The following EIF4E variants were observed in gnomAD, a reference collection of about 807,000 sequenced individuals.
EIF4E encodes the protein eukaryotic translation initiation factor 4E.
For missense variants in EIF4E, 113 were observed against 265.6 expected, an observed-to-expected ratio of 0.43 and a Z score of 3.99; for synonymous variants, 71 against 88.5, an observed-to-expected ratio of 0.80 and a Z score of 1.11.
At chr4:98,906,899 T>C (rs1358232567) in intron 1 of EIF4E, among the ~76,000 whole-genome samples, 3 of 152,132 alleles carry the variant, frequency 2.0e-5, no homozygotes, top group Non-Finnish European at 4.4e-5. Flanking sequence ...CATCTTAAAA[T>C]GGGCATTGTG....
At chr4:98,927,653 TCAAAAAAAAAAA>T (rs1560659693) in intron 1 of EIF4E, among the ~76,000 whole-genome samples, 1 of 17,110 alleles carries the variant, frequency 5.8e-5, no homozygotes, top group Non-Finnish European at 1.1e-4. Context: ...AGACTCCATC[TCAAAAAAAAAAA>T]AAAAAAAAAA....
intron 1 of EIF4E, among the ~76,000 whole-genome samples, chr4:98,918,411 C>T (rs1725495147): frequency 1.3e-5 from 2 of 148,484 alleles, no homozygotes; most frequent in South Asian, 2.1e-4. Flanking sequence ...AGAAAACGTA[C>T]ATACCTATTT....
chr4:98,927,722 G>A (rs983062893), intron 1 of EIF4E, among the ~76,000 whole-genome samples: 2 of 125,356 alleles, frequency 1.6e-5, no homozygotes, highest in Non-Finnish European at 3.4e-5. Flanking sequence ...TAAACCATTA[G>A]CAAAACCACA....
chr4:98,894,391 C>T (rs1175011386), intron 2 of EIF4E, among the ~76,000 whole-genome samples: 2 of 152,250 alleles, frequency 1.3e-5, no homozygotes, highest in Non-Finnish European at 2.9e-5. Context: ...TTCGTTTACA[C>T]TGAAAATCTG....
At chr4:98,904,138 C>T (rs1724762126) in intron 1 of EIF4E, among the ~76,000 whole-genome samples, 3 of 152,102 alleles carry the variant, frequency 2.0e-5, no homozygotes, top group South Asian at 4.1e-4. Flanking sequence ...AACAGCTAAG[C>T]CAAAACTTGC....
At chr4:98,884,683 G>A (rs1011923616) in intron 6 of EIF4E, among the ~76,000 whole-genome samples, 1 of 151,968 alleles carries the variant, frequency 6.6e-6, no homozygotes, top group African/African-American at 2.4e-5. Flanking sequence ...TATATAGCCT[G>A]GACAACAGAG....
chr4:98,882,300 G>A (rs1371951937), intron 6 of EIF4E, among the ~76,000 whole-genome samples: 1 of 151,642 alleles, frequency 6.6e-6, no homozygotes, highest in Non-Finnish European at 1.5e-5. Flanking sequence ...GCTGAGGCAG[G>A]AGAATGGCGT....
At chr4:98,925,827 A>G (rs1194046871) in intron 1 of EIF4E, 1 of 152,138 alleles carries the variant, frequency 6.6e-6, no homozygotes, top group Non-Finnish European at 1.5e-5. Context: ...TGCAGCCTTC[A>G]GCAGGGGTAT....
chr4:98,892,714 A>G (rs934706069), intron 2 of EIF4E, among the ~76,000 whole-genome samples: 1 of 151,460 alleles, frequency 6.6e-6, no homozygotes, highest in Non-Finnish European at 1.5e-5. Flanking sequence ...GGCGAGAAAC[A>G]GGTTGGCTGA....
At chr4:98,892,335 A>AC (rs1553931606) in intron 2 of EIF4E, among the ~76,000 whole-genome samples, 9 of 88,584 alleles carry the variant, frequency 1.0e-4, no homozygotes, top group African/African-American at 4.8e-4. Context: ...AAACAAAAAA[A>AC]CAAACAAAAA....
At chr4:98,888,477 A>G (rs918167053) in intron 3 of EIF4E, among the ~76,000 whole-genome samples, 11 of 152,216 alleles carry the variant, frequency 7.2e-5, no homozygotes, top group African/African-American at 2.7e-4. Context: ...GTTAGTCAAC[A>G]TAATAATCAT....
chr4:98,887,061 A>T lies in EIF4E; in HGVS notation c.399+18T>A. 6.2e-7 allele frequency: 1 copy of T among 1,610,710 alleles called. No homozygotes were observed. The highest frequency in any genetic ancestry group is 8.5e-7 in the Non-Finnish European group (1 of 1,178,336). ...CCAAAACTACCTCTAAAACTGCTTT[A>T]TACTTTTAAAACCTTACTGTCTCTA... On this transcript the variant is annotated intron_variant, in intron 5 of 6. Coordinates refer to ENST00000450253, the MANE Select transcript of EIF4E (RefSeq NM_001968.5). This position sits in a 1 kb window ranked among gnomAD's most constrained non-coding sequence, Gnocchi z 4.0.
chr4:98,891,991 A>G (rs539081230), intron 2 of EIF4E, among the ~76,000 whole-genome samples: 1 of 152,340 alleles, frequency 6.6e-6, no homozygotes, highest in African/African-American at 2.4e-5. Context: ...GAAATGACGC[A>G]GAGAGACAAC....
chr4:98,896,067 G>A (rs1468329864), intron 2 of EIF4E, among the ~76,000 whole-genome samples: 4 of 151,636 alleles, frequency 2.6e-5, no homozygotes, highest in East Asian at 1.9e-4. Flanking sequence ...GTGGTGGCAC[G>A]CGCCTGTAGT....
In EIF4E at chr4:98,887,839, C is replaced by T. The variant is rs558596611; in HGVS notation, c.285+50G>A. The T allele has an allele frequency of 1.2e-5, 18 of 1,516,530 alleles. No homozygotes were observed. The Middle Eastern group carries it at 5.1e-4, about 43-fold the overall frequency. The allele number at this position is 1,516,530 out of a possible 1,614,324, so 93.9% of individuals were successfully genotyped here. A position where few individuals can be genotyped will look rare whatever the true frequency, so the allele number is the denominator to read the frequency against. On this transcript the variant is annotated intron_variant, in intron 4 of 6. Coordinates refer to ENST00000450253, the MANE Select transcript of EIF4E (RefSeq NM_001968.5). This position sits in a 1 kb window ranked among gnomAD's most constrained non-coding sequence, Gnocchi z 4.0. ...TATGGTAAGATTTCTTAATGAATAC[C>T]AAATGGCCCAGTCCTATAATAAATA...
intron 6 of EIF4E, 137 bp downstream of exon 6, chr4:98,884,785 T>C (rs1292831646): frequency 8.3e-7 from 1 of 1,209,512 alleles, no homozygotes; most frequent in Non-Finnish European, 1.2e-6. Context: ...CCGTTCAAAA[T>C]TATAAAAGTG....
intron 1 of EIF4E, chr4:98,928,869 C>T (rs1252643553): frequency 6.5e-7 from 1 of 1,544,218 alleles, no homozygotes; most frequent in East Asian, 2.4e-5. Flanking sequence ...TCCCCCACAC[C>T]GCTCCCCCAG....
intron 2 of EIF4E, among the ~76,000 whole-genome samples, chr4:98,892,545 G>C (rs773977529): frequency 1.1e-4 from 17 of 150,668 alleles, no homozygotes; most frequent in Non-Finnish European, 2.2e-4. Context: ...AGCCAGGCCT[G>C]GTGGTATGTG....
In EIF4E at chr4:98,887,490, T is replaced by C. The variant is rs934120342; in HGVS notation, c.286-298A>G. On this transcript the variant is annotated intron_variant, in intron 4 of 6. Coordinates refer to ENST00000450253, the MANE Select transcript of EIF4E (RefSeq NM_001968.5). This position sits in a 1 kb window ranked among gnomAD's most constrained non-coding sequence, Gnocchi z 4.0. ...TAGAAGCTCTGTACATTTCTACAGC[T>C]AGAAAATACATGCAAAAACTATGCA... Among the ~76,000 whole-genome samples, 1 of 152,200 alleles carries C rather than the reference T, an allele frequency of 6.6e-6. No individual in the cohort carries two copies. Among genetic ancestry groups the C allele is most frequent in the Non-Finnish European group, 1.5e-5 (1 of 68,030 alleles).
Sources: gnomAD v4.1 joint callset for allele counts (sites outside exome capture counted in the v4.1 genomes callset) on GRCh38, gnomAD v4.1.1 for gene constraint, Gnocchi (gnomAD v3.1) non-coding constraint, MANE v1.5 for transcripts, NCBI Gene and HGNC (gene_info 2026-07-23, HGNC 2026-07-21) for gene names.